Variants in ASL observed in about 807,000 individuals in gnomAD.
ASL encodes argininosuccinate lyase, also known as argininosuccinase.
In ASL, 51 loss-of-function variants were observed where a neutral mutation model predicts 69.1. The observed-to-expected ratio is 0.74, with a 90% CI of 0.59 to 0.93. The LOEUF is 0.93. ASL is among the 40% of genes least tolerant of loss of function. The pLI, the probability that ASL is intolerant of heterozygous loss-of-function variation, is 0.00. For synonymous variants in ASL, 241 were observed against 247.6 expected (o/e 0.97, Z 0.25); for missense variants, 540 against 623.9 (o/e 0.87, Z 1.43).
In ASL at chr7:66,089,296, C is replaced by G; in HGVS notation, c.939C>G (p.Thr313=). 1 of 1,610,228 alleles carries G rather than the reference C, an allele frequency of 6.2e-7. No homozygotes were observed. Among genetic ancestry groups the G allele is most frequent in the Non-Finnish European group, 8.5e-7 (1 of 1,178,378 alleles). ...VFGRCAGLLM[T]LKGLPSTYNK... ...CGCAGTGTGCCGGGCTCCTGATGAC[C>G]CTCAAGGGACTTCCCAGCACCTACA... The change falls in exon 13 of 17, where the codon ACC becomes ACG. Residue 313 remains threonine, a synonymous_variant. Transcript: ENST00000304874.
rs191961923 is a variant in ASL, at chr7:66,077,685, C to T, written c.12+1592C>T. Among the ~76,000 whole-genome samples, 16 of 152,118 alleles carry T rather than the reference C, an allele frequency of 1.1e-4. No homozygotes were observed. In the East Asian group the frequency reaches 2.9e-3, roughly 28 times the overall value. ...CGGAGGTTGCAGTGAGCTGAGATCG[C>T]ACCACTGCACTCCAGCCTGGGCGAC... On this transcript the variant is annotated intron_variant, in intron 2 of 16. Coordinates refer to ENST00000304874, the MANE Select transcript of ASL (RefSeq NM_000048.4).
chr7:66,086,175 C>T (rs1232687406), intron 6 of ASL, among the ~76,000 whole-genome samples: 1 of 152,208 alleles, frequency 6.6e-6, no homozygotes, highest in African/African-American at 2.4e-5. Flanking sequence ...GAATGAGGTG[C>T]AGGGCATCTC....
In ASL at chr7:66,089,107, A is replaced by C; in HGVS notation, c.850A>C (p.Met284Leu). Residue 284 changes from methionine (M) to leucine (L), a missense_variant, in exon 12 of 17, where the codon ATG becomes CTG. Met to Leu is a conservative substitution (Grantham distance 15). Transcript: ENST00000304874. ...SDAYSTGSSL[M>L]PQKKNPDSLE... ...TGTCCCCAGCACGGGAAGCAGCCTG[A>C]TGCCCCAGAAGAAAAACCCCGACAG... The C allele has an allele frequency of 6.2e-7, 1 of 1,613,908 alleles. No individual in the cohort carries two copies. The highest frequency in any genetic ancestry group is 8.5e-7 in the Non-Finnish European group (1 of 1,179,936).
At position 66,089,601 on chromosome 7, in the gene ASL, G is replaced by A; in HGVS notation, c.979-11G>A. 1 of 1,613,518 alleles carries A rather than the reference G, an allele frequency of 6.2e-7. No homozygotes were observed. The highest frequency in any genetic ancestry group is 8.5e-7 in the Non-Finnish European group (1 of 1,179,962). ...CTGCTAGGCCCTCACCTCCTGCCATGTGCCTCCCAGGAGGACAAGGAAGCT... is the reference window on the plus strand; with the variant it reads ...CTGCTAGGCCCTCACCTCCTGCCATATGCCTCCCAGGAGGACAAGGAAGCT... On this transcript the variant is annotated splice_polypyrimidine_tract_variant and intron_variant, in intron 13 of 16. Coordinates refer to ENST00000304874, the MANE Select transcript of ASL (RefSeq NM_000048.4).
Position 66,086,844 on chromosome 7 carries a change from G to C in ASL, c.602+23G>C, listed in dbSNP as rs370394550. On this transcript the variant is annotated intron_variant, in intron 8 of 16. Transcript: ENST00000304874. ...GAGGTGGGTGAGGCTCCAGTGCCCC[G>C]AGGGCCTGGTGGGGGTGGCTGCTGC... The C allele has an allele frequency of 2.6e-6, 4 of 1,558,324 alleles. No homozygotes were observed. The South Asian group carries it at 3.5e-5, about 14-fold the overall frequency.
At position 66,082,451 on chromosome 7, in the gene ASL, G is replaced by A. The variant is rs778679108; in HGVS notation, c.291G>A (p.Lys97=). The A allele has an allele frequency of 8.7e-6, 14 of 1,608,844 alleles. No individual in the cohort carries two copies. Among genetic ancestry groups the A allele is most frequent in the Non-Finnish European group, 1.1e-5 (13 of 1,178,924 alleles). The change falls in exon 4 of 17, where the codon AAG becomes AAA. Residue 97 remains lysine, a splice_region_variant and synonymous_variant. Transcript: ENST00000304874. ...DIHTANERRL[K]ELIGATAGKL... is the part of the protein sequence containing the mutation. ...ACACAGCCAATGAGCGCCGCCTGAAGGTACGACCCCTGGAGCCCCACCGCT... is the reference window on the plus strand; with the variant it reads ...ACACAGCCAATGAGCGCCGCCTGAAAGTACGACCCCTGGAGCCCCACCGCT...
At chr7:66,080,844 T>C (rs1786484677) in intron 2 of ASL, among the ~76,000 whole-genome samples, 1 of 152,132 alleles carries the variant, frequency 6.6e-6, no homozygotes. Context: ...GTCAGGGTGC[T>C]TTTCAGAGCC....
intron 6 of ASL, among the ~76,000 whole-genome samples, chr7:66,085,312 A>G (rs566574636): frequency 6.6e-6 from 1 of 152,072 alleles, no homozygotes; most frequent in African/African-American, 2.4e-5. Flanking sequence ...CCCCATCTCT[A>G]CTAAAAATAC....
intron 10 of ASL, among the ~76,000 whole-genome samples, chr7:66,088,021 G>A (rs576034866): frequency 1.3e-5 from 2 of 152,048 alleles, no homozygotes; most frequent in Middle Eastern, 3.4e-3. Context: ...ATTTAGCTGG[G>A]TGTGTGGTGG....
Position 66,092,706 on chromosome 7 carries a change from G to A in ASL, c.1250+43G>A, listed in dbSNP as rs749676572. On this transcript the variant is annotated intron_variant, in intron 16 of 16. Transcript: ENST00000304874. ...CCCCATGCTGCCTCCTAGGAAGTGAGCCTGGGTGCCTGGAGCCCAGGGTGG... is the reference window on the plus strand; with the variant it reads ...CCCCATGCTGCCTCCTAGGAAGTGAACCTGGGTGCCTGGAGCCCAGGGTGG... 5.0e-6 allele frequency: 8 copies of A among 1,613,496 alleles called. No homozygotes were observed. In the East Asian group the frequency reaches 6.7e-5, roughly 13 times the overall value.
chr7:66,087,255 T>C, intron 8 of ASL, 79 bp from the exon 9 acceptor site: 2 of 1,256,350 alleles, frequency 1.6e-6, no homozygotes, highest in Non-Finnish European at 2.3e-6. Context: ...TGTGTGTGTG[T>C]GTGTGTGTGT....
intron 2 of ASL, among the ~76,000 whole-genome samples, chr7:66,079,968 C>A (rs970032900): frequency 1.3e-5 from 2 of 151,910 alleles, no homozygotes; most frequent in Non-Finnish European, 2.9e-5. Flanking sequence ...GCTTGTAGTC[C>A]CAACTATTGG....
At chr7:66,091,923 C>G in intron 14 of ASL, 83 bp from the exon 15 acceptor site, 2 of 1,443,790 alleles carry the variant, frequency 1.4e-6, no homozygotes, top group South Asian at 1.1e-5. Flanking sequence ...CAGGGATGTC[C>G]TGGCAGAGGG....
intron 6 of ASL, among the ~76,000 whole-genome samples, chr7:66,085,993 C>G (rs1433650028): frequency 6.6e-6 from 1 of 152,080 alleles, no homozygotes; most frequent in Non-Finnish European, 1.5e-5. Flanking sequence ...GAGGCTGAGA[C>G]AGGAGGATCG....
rs181346425 is a variant in ASL at position 66,084,221 on chromosome 7, G to A, written c.446+1047G>A. ...GTCACCTAGTCTGGAGTGTAGTGGC[G>A]CTATCTGAGCTAACTGCAAACTCTG... is the stretch of plus-strand genomic sequence containing the variant. On this transcript the variant is annotated intron_variant, in intron 6 of 16. Transcript: ENST00000304874. Among the ~76,000 whole-genome samples the A allele has an allele frequency of 2.6e-4, 39 of 150,910 alleles. No individual in the cohort carries two copies. In the East Asian group the frequency reaches 6.7e-3, roughly 26 times the overall value.
At chr7:66,080,825 A>G (rs1786483738) in intron 2 of ASL, among the ~76,000 whole-genome samples, 1 of 152,106 alleles carries the variant, frequency 6.6e-6, no homozygotes, top group African/African-American at 2.4e-5. Context: ...GCCAGTGACA[A>G]TGGGGGGTGT....
chr7:66,084,686 C>T (rs1786608010), intron 6 of ASL, among the ~76,000 whole-genome samples: 2 of 152,216 alleles, frequency 1.3e-5, no homozygotes, highest in South Asian at 4.1e-4. Context: ...GTGGCGTGAT[C>T]TCCACTCACT....
intron 6 of ASL, among the ~76,000 whole-genome samples, chr7:66,084,451 TGCGCTCA>T (rs1428091693): frequency 1.3e-5 from 2 of 152,046 alleles, no homozygotes; most frequent in Middle Eastern, 3.2e-3. Context: ...CATAAGCCAC[TGCGCTCA>T]GCTTAATTTT....
At chr7:66,092,411 G>A (rs547442474) in intron 15 of ASL, 146 bp from the exon 16 acceptor site, 54 of 771,516 alleles carry the variant, frequency 7.0e-5, no homozygotes, top group Middle Eastern at 3.7e-4. Flanking sequence ...AGGTGAGATC[G>A]CGCCACTGCA....
Sources: allele counts gnomAD v4.1 joint callset (sites outside exome capture counted in the v4.1 genomes callset), GRCh38; gene constraint gnomAD v4.1.1; transcripts MANE v1.5; gene names NCBI Gene and HGNC (gene_info 2026-07-23, HGNC 2026-07-21).